SYVN1: variants seen among roughly 807,000 people sequenced by gnomAD.
SYVN1 encodes E3 ubiquitin-protein ligase synoviolin.
A neutral mutation model predicts 62.6 loss-of-function variants in SYVN1; 17 were observed. The observed-to-expected ratio is 0.27, with a 90% CI of 0.19 to 0.41. SYVN1 has a LOEUF of 0.41. Among genes scored for constraint, SYVN1 ranks in the 10% least tolerant of loss-of-function variants. The pLI, the probability that SYVN1 is intolerant of heterozygous loss-of-function variation, is 1.00. For missense variants in SYVN1, 634 were observed against 818.0 expected, an observed-to-expected ratio of 0.78 and a Z score of 2.74; for synonymous variants, 316 against 304.0, an observed-to-expected ratio of 1.04 and a Z score of -0.41.
intron 1 of SYVN1, chr11:65,134,148 C>T (rs73477217): frequency 0.016 from 2,438 of 153,974 alleles, 78 homozygotes; most frequent in African/African-American, 0.055. Context: ...ATCCTGGGGT[C>T]CCCCGACCCC....
At position 65,130,316 on chromosome 11, in the gene SYVN1, G is replaced by A. The variant is rs769536692; in HGVS notation, c.1169C>T (p.Pro390Leu). 3.2e-6 allele frequency: 5 copies of A among 1,580,820 alleles called. No homozygotes were observed. Among genetic ancestry groups the A allele is most frequent in the Admixed American group, 1.9e-5 (1 of 53,896 alleles). The change falls in exon 12 of 16, where the codon CCC becomes CTC. Residue 390 changes from proline (P) to leucine (L), a missense_variant. By Grantham distance (98) the Pro-to-Leu change is moderately conservative. This residue lies in a region of SYVN1 where 351 missense variants were observed against 373.3 expected (regional missense o/e 0.94). Transcript: ENST00000377190. ...GGGGGGAGGCGGGACAGGTGGAAAG[G>A]GGCCCATGGGGGGCCACAGTGGGAA... The part of the protein sequence containing the change: ...GMFPLWPPMG[P>L]FPPVPPPPSS...
At chr11:65,132,863 C>T (rs1948199042) in intron 4 of SYVN1, 59 bp downstream of exon 4, 1 of 1,613,348 alleles carries the variant, frequency 6.2e-7, no homozygotes, top group East Asian at 2.2e-5. Context: ...GCTCCTTAAG[C>T]CTGCCCGCTG....
chr11:65,131,266 G>A lies in SYVN1; in HGVS notation c.758+8C>T, dbSNP rs1263911160. The A allele has an allele frequency of 4.3e-6, 7 of 1,613,968 alleles. No individual in the cohort carries two copies. Among genetic ancestry groups the A allele is most frequent in the South Asian group, 3.3e-5 (3 of 91,082 alleles). ...GTCAGGAGGATCGGGGGACAGGGCCGGGCTCACCTCATGGCCAGGTACATG... is the reference window on the plus strand; with the variant it reads ...GTCAGGAGGATCGGGGGACAGGGCCAGGCTCACCTCATGGCCAGGTACATG... On this transcript the variant is annotated splice_region_variant and intron_variant, in intron 8 of 15. Coordinates refer to ENST00000377190, the MANE Select transcript of SYVN1 (RefSeq NM_172230.3).
rs576933346 is a variant in SYVN1 at position 65,131,656 on chromosome 11, A to G, written c.532-60T>C. ...CATAGCTCCCCCTTGCTGCACCCAC[A>G]TTGCTCCCCAAGGCCTCTGCACAGC... is the stretch of plus-strand genomic sequence containing the variant. On this transcript the variant is annotated intron_variant, in intron 6 of 15. Transcript: ENST00000377190. 402 of 1,589,548 alleles carry G rather than the reference A, an allele frequency of 2.5e-4. 1 individual carries two copies. The South Asian group carries it at 2.6e-3, about 10-fold the overall frequency.
At position 65,132,308 on chromosome 11, in the gene SYVN1, G is replaced by A. The variant is rs1318068676; in HGVS notation, c.471C>T (p.Ser157=). The part of the protein sequence containing the change: ...LLGILDFLFV[S]HAYHSILTRG... The stretch of plus-strand genomic sequence containing the variant: ...GGGTCAGGATGCTGTGATAGGCGTG[G>A]CTGACGAAGAGGAAGTCCAGGATGC... The change falls in exon 6 of 16, where the codon AGC becomes AGT. Residue 157 remains serine (S), a synonymous_variant. Transcript: ENST00000377190. The A allele has an allele frequency of 6.2e-7, 1 of 1,614,016 alleles. No individual in the cohort carries two copies. The highest frequency in any genetic ancestry group is 2.2e-5 in the East Asian group (1 of 44,890).
chr11:65,128,988 G>C (rs1366777624), intron 14 of SYVN1: 2 of 448,880 alleles, frequency 4.5e-6, no homozygotes, highest in Non-Finnish European at 8.0e-6. Flanking sequence ...TGGGGAGTCA[G>C]GCACCTTATA....
intron 11 of SYVN1, 66 bp from the exon 12 acceptor site, chr11:65,130,445 G>A: frequency 1.4e-6 from 2 of 1,477,054 alleles, no homozygotes; most frequent in Non-Finnish European, 1.8e-6. Flanking sequence ...CAGGCAGGGG[G>A]CCTGGCTATT....
At chr11:65,133,707 T>G (rs969013071) in intron 1 of SYVN1, 89 bp from the exon 2 acceptor site, 31 of 1,050,844 alleles carry the variant, frequency 3.0e-5, no homozygotes, top group Non-Finnish European at 4.0e-5. Flanking sequence ...TAGGAGAAAG[T>G]GGGGGGGAAA....
Position 65,128,185 on chromosome 11 carries a change from C to A in SYVN1, c.*197G>T, listed in dbSNP as rs143393610. 1.6e-6 allele frequency: 1 copy of A among 606,450 alleles called. No individual in the cohort carries two copies. The highest frequency in any genetic ancestry group is 2.9e-6 in the Non-Finnish European group (1 of 341,472). The allele number at this position is 606,450 out of a possible 1,614,324, so 37.6% of individuals were successfully genotyped here. ...AGGAAGGCTGGAACTGACCCGAGAT[C>A]CCCATGGCTGCCTGGGACTGGAGTC... On this transcript the variant is annotated 3_prime_UTR_variant, in exon 16 of 16. Transcript: ENST00000377190.
At chr11:65,130,566 G>A (rs1590826737) in intron 11 of SYVN1, 94 bp downstream of exon 11, 4 of 1,454,704 alleles carry the variant, frequency 2.7e-6, no homozygotes, top group Non-Finnish European at 2.7e-6. Context: ...AGATTCTGGA[G>A]GGCAGGGACT....
rs1297132395 is a variant in SYVN1, at chr11:65,128,348, A to G, written c.*34T>C. ...GACATGTTCCAGCGAGGGCTGCTCA[A>G]AAGAGCAGAGGCTGGGGCTGGGCTG... On this transcript the variant is annotated 3_prime_UTR_variant, in exon 16 of 16. Transcript: ENST00000377190. 1.3e-6 allele frequency: 2 copies of G among 1,563,288 alleles called. No homozygotes were observed. The highest frequency in any genetic ancestry group is 2.3e-5 in the South Asian group (2 of 88,800).
chr11:65,132,748 A>G lies in SYVN1; in HGVS notation c.411T>C (p.Phe137=). ...MERSPNISWL[F]HCRIVSLMFL... Reference sequence around the variant, plus strand: ...CTCACTCACAGACAATGCGGCAGTGAAAGAGCCAGGAGATGTTGGGGCTGC... The same window carrying G: ...CTCACTCACAGACAATGCGGCAGTGGAAGAGCCAGGAGATGTTGGGGCTGC... The change falls in exon 5 of 16, where the codon TTT becomes TTC. Residue 137 remains phenylalanine (F), a synonymous_variant. Transcript: ENST00000377190. 3 of 1,614,116 alleles carry G rather than the reference A, an allele frequency of 1.9e-6. No individual in the cohort carries two copies. Among genetic ancestry groups the G allele is most frequent in the Non-Finnish European group, 2.5e-6 (3 of 1,180,012 alleles).
rs777442086 is a variant in SYVN1 at position 65,130,293 on chromosome 11, G to C, written c.1192C>G (p.Pro398Ala). 1.3e-6 allele frequency: 2 copies of C among 1,597,050 alleles called. No individual in the cohort carries two copies. Among genetic ancestry groups the C allele is most frequent in the Non-Finnish European group, 1.7e-6 (2 of 1,171,296 alleles). ...GGAGCCACAGCCTCTCCTGAGCTGG[G>C]GGGAGGCGGGACAGGTGGAAAGGGG... ...MGPFPPVPPP[P>A]SSGEAVAPPS... The change falls in exon 12 of 16, where the codon CCC becomes GCC. Residue 398 changes from proline (P) to alanine (A), a missense_variant. Pro to Ala is a conservative substitution (Grantham distance 27). Transcript: ENST00000377190.
At chr11:65,132,705 C>T (rs1948196829) in intron 5 of SYVN1, 27 bp downstream of exon 5, 2 of 1,613,466 alleles carry the variant, frequency 1.2e-6, no homozygotes, top group Non-Finnish European at 1.7e-6. Context: ...TCCAGTCCTC[C>T]CTTCCCCTCC....
At chr11:65,130,894 T>A in intron 10 of SYVN1, 26 bp downstream of exon 10, 1 of 1,613,292 alleles carries the variant, frequency 6.2e-7, no homozygotes, top group Non-Finnish European at 8.5e-7. Context: ...TGCCCTGCTG[T>A]GCAGGCTCCC....
intron 13 of SYVN1, 35 bp downstream of exon 13, chr11:65,129,966 AC>A: frequency 6.3e-7 from 1 of 1,599,976 alleles, no homozygotes; most frequent in South Asian, 1.1e-5. Flanking sequence ...CACCAACCTC[AC>A]CCCCAAGAAG....
intron 1 of SYVN1, among the ~76,000 whole-genome samples, chr11:65,133,926 G>GGA (rs1948213918): frequency 6.6e-6 from 1 of 152,254 alleles, no homozygotes; most frequent in Non-Finnish European, 1.5e-5. Flanking sequence ...TGGAGGAGGG[G>GGA]GAGCTGCACC....
rs1219127599 is a variant in SYVN1 at position 65,130,751 on chromosome 11, C to A, written c.1014G>T (p.Leu338=). 6.5e-7 allele frequency: 1 copy of A among 1,535,268 alleles called. No homozygotes were observed. The change falls in exon 11 of 16, where the codon CTG becomes CTT. Residue 338 remains leucine, a synonymous_variant. Transcript: ENST00000377190. ...CCGGGGGTGGTGGTGACTGCGCTGG[C>A]AGCGATGCACGAAGGACATCCATAC... is the stretch of plus-strand genomic sequence containing the variant. ...TCRMDVLRAS[L]PAQSPPPPEP...
At position 65,131,137 on chromosome 11, in the gene SYVN1, G is replaced by A; in HGVS notation, c.819C>T (p.Asn273=). 2.5e-6 allele frequency: 4 copies of A among 1,614,196 alleles called. No homozygotes were observed. The highest frequency in any genetic ancestry group is 2.2e-5 in the East Asian group (1 of 44,894). ...GCCATGACAAGCCTACTTACAGGGT[G>A]TTCATGTTGCGGATGGCTCGGCGAG... ...IMSRRAIRNM[N]TLYPDATPEE... is the part of the protein sequence containing the mutation. Residue 273 remains asparagine, a synonymous_variant, in exon 9 of 16, where the codon AAC becomes AAT. Transcript: ENST00000377190.
Sources: gnomAD v4.1 joint callset for allele counts (sites outside exome capture counted in the v4.1 genomes callset) on GRCh38, gnomAD v4.1.1 for gene constraint, gnomAD v4.1.1 regional missense constraint, MANE v1.5 for transcripts, NCBI Gene and HGNC (gene_info 2026-07-23, HGNC 2026-07-21) for gene names.